The following KIAA0408 variants were observed in gnomAD, a reference collection of about 807,000 sequenced individuals.
KIAA0408 encodes KIAA0408.
KIAA0408 carries 51 observed loss-of-function variants against 60.9 expected under a neutral mutation model. The observed-to-expected ratio is 0.84, with a 90% CI of 0.67 to 1.06. KIAA0408 has a LOEUF of 1.06. KIAA0408 is among the 50% of genes least tolerant of loss of function. KIAA0408 has a pLI of 0.00. For synonymous variants in KIAA0408, 304 were observed against 282.4 expected (o/e 1.08, Z -0.77); for missense variants, 787 against 833.9 (o/e 0.94, Z 0.69).
rs1773110149 is a variant in KIAA0408 at position 127,441,696 on chromosome 6, A to G, written c.*2413T>C. ...AGAAATTTACCAGTTAAAAATCACA[A>G]AACATCAAAAACTATTTTCAAGGAT... is the stretch of plus-strand genomic sequence containing the variant. On this transcript the variant is annotated 3_prime_UTR_variant, in exon 6 of 6. Transcript: ENST00000483725. The G allele has an allele frequency of 6.6e-6, 1 of 152,190 alleles. No individual in the cohort carries two copies. Among genetic ancestry groups the G allele is most frequent in the Non-Finnish European group, 1.5e-5 (1 of 68,040 alleles). The allele number at this position is 152,190 out of a possible 1,614,324, so 9.4% of individuals were successfully genotyped here.
At chr6:127,452,363 T>A (rs1773316105) in intron 2 of KIAA0408, among the ~76,000 whole-genome samples, 1 of 152,106 alleles carries the variant, frequency 6.6e-6, no homozygotes, top group Non-Finnish European at 1.5e-5. Flanking sequence ...CAGCAAAACA[T>A]AAACAGCAGT....
chr6:127,454,106 T>C lies in KIAA0408; in HGVS notation c.-120-5A>G. On this transcript the variant is annotated splice_region_variant and splice_polypyrimidine_tract_variant and intron_variant, in intron 1 of 5. Transcript: ENST00000483725. ...CACTTGCCTTTAAAATAAAGCCTAA[T>C]ATAAACATAACAAGAGAGAGTTCCA... 7.1e-7 allele frequency: 1 copy of C among 1,409,708 alleles called. No individual in the cohort carries two copies. Among genetic ancestry groups the C allele is most frequent in the Non-Finnish European group, 9.2e-7 (1 of 1,083,134 alleles). 87.3% of individuals were successfully genotyped at this position (1,409,708 alleles called of 1,614,324 possible).
In KIAA0408 at chr6:127,444,103, A is replaced by G. The variant is rs772603122; in HGVS notation, c.*6T>C. 1.6e-5 allele frequency: 26 copies of G among 1,613,616 alleles called. No homozygotes were observed. In the Admixed American group the frequency reaches 4.2e-4, roughly 26 times the overall value. On this transcript the variant is annotated 3_prime_UTR_variant, in exon 6 of 6. Coordinates refer to ENST00000483725, the MANE Select transcript of KIAA0408 (RefSeq NM_014702.5). ...CTTCTGTAATATAGCAATCCAGGCC[A>G]AAGACTTAAACCATCAATGCTTCGG...
Position 127,438,447 on chromosome 6 carries a change from A to T in KIAA0408, c.*5662T>A, listed in dbSNP as rs980022029. On this transcript the variant is annotated 3_prime_UTR_variant, in exon 6 of 6. Coordinates refer to ENST00000483725, the MANE Select transcript of KIAA0408 (RefSeq NM_014702.5). ...GTTTAATGATTCTTATAAAATTGCC[A>T]TGAGTAAGTAATTGAAAAATAAAGC... 3.3e-5 allele frequency: 5 copies of T among 152,154 alleles called. No individual in the cohort carries two copies. The highest frequency in any genetic ancestry group is 7.3e-5 in the Non-Finnish European group (5 of 68,038). 9.4% of individuals were successfully genotyped at this position (152,154 alleles called of 1,614,324 possible). A position where few individuals can be genotyped will look rare whatever the true frequency, so the allele number is the denominator to read the frequency against.
chr6:127,440,615 C>G lies in KIAA0408; in HGVS notation c.*3494G>C, dbSNP rs959832318. 8.6e-5 allele frequency: 13 copies of G among 152,038 alleles called. No individual in the cohort carries two copies. Among genetic ancestry groups the G allele is most frequent in the African/African-American group, 3.1e-4 (13 of 41,398 alleles). The allele number at this position is 152,038 out of a possible 1,614,324, so 9.4% of individuals were successfully genotyped here. A position where few individuals can be genotyped will look rare whatever the true frequency, so the allele number is the denominator to read the frequency against. Reference sequence around the variant, plus strand: ...TGCTGGGATTACAGGCAAGAGCCACCGCGCCCACCAGTTCTAAGTTCCGAT... The same window carrying G: ...TGCTGGGATTACAGGCAAGAGCCACGGCGCCCACCAGTTCTAAGTTCCGAT... On this transcript the variant is annotated 3_prime_UTR_variant, in exon 6 of 6. Coordinates refer to ENST00000483725, the MANE Select transcript of KIAA0408 (RefSeq NM_014702.5).
rs926907967 is a variant in KIAA0408 at position 127,440,374 on chromosome 6, G to A, written c.*3735C>T. 2 of 148,996 alleles carry A rather than the reference G, an allele frequency of 1.3e-5. No individual in the cohort carries two copies. The highest frequency in any genetic ancestry group is 3.0e-5 in the Non-Finnish European group (2 of 67,642). The allele number at this position is 148,996 out of a possible 1,614,324, so 9.2% of individuals were successfully genotyped here. ...GAGTCTCACTCTGTCACCCAGGCTG[G>A]AGTGCAGTGGCGCGATCTCTGCTCA... On this transcript the variant is annotated 3_prime_UTR_variant, in exon 6 of 6. Coordinates refer to ENST00000483725, the MANE Select transcript of KIAA0408 (RefSeq NM_014702.5).
intron 5 of KIAA0408, 95 bp downstream of exon 5, chr6:127,446,313 C>G (rs149242243): frequency 3.3e-6 from 5 of 1,512,336 alleles, no homozygotes; most frequent in Non-Finnish European, 4.4e-6. Flanking sequence ...AAAACTTGTG[C>G]CCTCATTCTA....
Position 127,444,188 on chromosome 6 carries a change from G to A in KIAA0408, c.2006C>T (p.Ser669Phe), listed in dbSNP as rs1346516302. 1.2e-6 allele frequency: 2 copies of A among 1,613,632 alleles called. No individual in the cohort carries two copies. The highest frequency in any genetic ancestry group is 1.7e-6 in the Non-Finnish European group (2 of 1,179,744). ...CCGCAAGGCAGGGGGTGCAGATGGA[G>A]ATCTGGATGCCCATCTGGAGGGGAG... Reference protein sequence around the residue: ...RRLPSRWASRSPSAPPALRRT... With the variant: ...RRLPSRWASRFPSAPPALRRT... The change falls in exon 6 of 6, where the codon TCT (serine) becomes TTT (phenylalanine). Residue 669 changes from serine (S) to phenylalanine (F), a missense_variant. Physicochemically the swap from Ser to Phe is radical, Grantham distance 155. This residue lies in a region of KIAA0408 where 133 missense variants were observed against 119.2 expected (regional missense o/e 1.12). Transcript: ENST00000483725.
At chr6:127,448,704 G>A (rs1342627104) in intron 4 of KIAA0408, among the ~76,000 whole-genome samples, 1 of 152,054 alleles carries the variant, frequency 6.6e-6, no homozygotes, top group African/African-American at 2.4e-5. Context: ...GAATAGAAAA[G>A]CTAAATAGGC....
rs192182306 is a variant in KIAA0408, at chr6:127,455,331, G to A, written c.-120-1230C>T. Reference sequence around the variant, plus strand: ...AACAGTCAATAGCTTTGTGGGTGCTGGCACTGCCGAATTAAGGCCACATAC... The same window carrying A: ...AACAGTCAATAGCTTTGTGGGTGCTAGCACTGCCGAATTAAGGCCACATAC... On this transcript the variant is annotated intron_variant, in intron 1 of 5. Coordinates refer to ENST00000483725, the MANE Select transcript of KIAA0408 (RefSeq NM_014702.5). 5.0e-3 allele frequency among the ~76,000 whole-genome samples: 764 copies of A among 152,210 alleles called. 9 individuals carry two copies. Among genetic ancestry groups the A allele is most frequent in the South Asian group, 0.028 (136 of 4,832 alleles).
chr6:127,447,480 G>T lies in KIAA0408; in HGVS notation c.839C>A (p.Ser280Ter). 6.2e-7 allele frequency: 1 copy of T among 1,613,664 alleles called. No individual in the cohort carries two copies. Among genetic ancestry groups the T allele is most frequent in the Non-Finnish European group, 8.5e-7 (1 of 1,179,892 alleles). The change falls in exon 5 of 6, where the codon TCG becomes TAG. Residue 280 changes from serine to a stop codon, truncating the protein, a stop_gained. Coordinates refer to ENST00000483725, the MANE Select transcript of KIAA0408 (RefSeq NM_014702.5). LOFTEE classifies it high-confidence loss of function. ...PRSTSRNFPS[S>*]DSEQAYERWK... ...TCTTTCATAGGCTTGTTCAGAATCCGAGCTGGGAAAATTTCGAGAGGTGCT... is the reference window on the plus strand; with the variant it reads ...TCTTTCATAGGCTTGTTCAGAATCCTAGCTGGGAAAATTTCGAGAGGTGCT...
rs1246098741 is a variant in KIAA0408 at position 127,440,792 on chromosome 6, C to T, written c.*3317G>A. The T allele has an allele frequency of 2.0e-5, 3 of 152,296 alleles. No individual in the cohort carries two copies. The highest frequency in any genetic ancestry group is 2.1e-4 in the South Asian group (1 of 4,822). The allele number at this position is 152,296 out of a possible 1,614,324, so 9.4% of individuals were successfully genotyped here. ...TTTTTCAAAGAAGACTTTTATCAGA[C>T]TCAATTAGCAGTTAAATGGGTAGAG... is the stretch of plus-strand genomic sequence containing the variant. On this transcript the variant is annotated 3_prime_UTR_variant, in exon 6 of 6. Coordinates refer to ENST00000483725, the MANE Select transcript of KIAA0408 (RefSeq NM_014702.5).
chr6:127,453,169 T>C (rs1229550417), intron 2 of KIAA0408, among the ~76,000 whole-genome samples: 1 of 152,084 alleles, frequency 6.6e-6, no homozygotes, highest in African/African-American at 2.4e-5. Flanking sequence ...TTCCAATTGG[T>C]GCAAAAGCTT....
rs558324712 is a variant in KIAA0408, at chr6:127,442,332, C to G, written c.*1777G>C. On this transcript the variant is annotated 3_prime_UTR_variant, in exon 6 of 6. Transcript: ENST00000483725. The stretch of plus-strand genomic sequence containing the variant: ...CACAACAGCATTTTCCTAACAGGTC[C>G]GTCATTTTATGACCCAGGGTTCCTC... 1 of 152,266 alleles carries G rather than the reference C, an allele frequency of 6.6e-6. No individual in the cohort carries two copies. Among genetic ancestry groups the G allele is most frequent in the Non-Finnish European group, 1.5e-5 (1 of 68,100 alleles). 9.4% of individuals were successfully genotyped at this position (152,266 alleles called of 1,614,324 possible). A position where few individuals can be genotyped will look rare whatever the true frequency, so the allele number is the denominator to read the frequency against.
chr6:127,453,785 C>T (rs1360716316), intron 2 of KIAA0408, 62 bp downstream of exon 2: 1 of 1,554,920 alleles, frequency 6.4e-7, no homozygotes, highest in Admixed American at 1.8e-5. Context: ...TACAAAACAG[C>T]CCACAGAATT....
chr6:127,452,849 G>C (rs1332425077), intron 2 of KIAA0408, among the ~76,000 whole-genome samples: 1 of 152,028 alleles, frequency 6.6e-6, no homozygotes, highest in African/African-American at 2.4e-5. Context: ...AGAGGGACAA[G>C]AAGTATATAT....
intron 2 of KIAA0408, chr6:127,450,735 T>C (rs184461460): frequency 5.2e-5 from 9 of 172,416 alleles, no homozygotes; most frequent in Admixed American, 3.9e-4. Context: ...ATTAAAGTCA[T>C]AGTTTTCAAA....
chr6:127,452,561 T>C (rs1773319505), intron 2 of KIAA0408, among the ~76,000 whole-genome samples: 3 of 152,168 alleles, frequency 2.0e-5, no homozygotes, highest in African/African-American at 7.2e-5. Flanking sequence ...AGTAATAAAT[T>C]TAATCAGACA....
Position 127,454,102 on chromosome 6 carries a change from C to A in KIAA0408, c.-120-1G>T. ...GTCTCACTTGCCTTTAAAATAAAGC[C>A]TAATATAAACATAACAAGAGAGAGT... On this transcript the variant is annotated splice_acceptor_variant, in intron 1 of 5. Coordinates refer to ENST00000483725, the MANE Select transcript of KIAA0408 (RefSeq NM_014702.5). LOFTEE classifies it low-confidence loss of function (5UTR_SPLICE). 7.1e-7 allele frequency: 1 copy of A among 1,409,252 alleles called. No homozygotes were observed. Among genetic ancestry groups the A allele is most frequent in the South Asian group, 1.9e-5 (1 of 51,670 alleles). The allele number at this position is 1,409,252 out of a possible 1,614,324, so 87.3% of individuals were successfully genotyped here.
Sources: allele counts gnomAD v4.1 joint callset (sites outside exome capture counted in the v4.1 genomes callset), GRCh38; gene constraint gnomAD v4.1.1; regional missense constraint gnomAD v4.1.1; transcripts MANE v1.5; gene names NCBI Gene and HGNC (gene_info 2026-07-23, HGNC 2026-07-21).